The following MYO6 variants were observed in gnomAD, a reference collection of about 807,000 sequenced individuals.
The protein encoded by MYO6 is myosin VI, also known as unconventional myosin-VI.
In MYO6, 74 loss-of-function variants were observed where a neutral mutation model predicts 178.7. The ratio of observed to expected loss-of-function variants is 0.41; its 90% CI spans 0.34 to 0.50. The LOEUF (loss-of-function observed/expected upper bound fraction) is 0.50. Ranked by LOEUF, MYO6 falls within the 20% of genes least tolerant of loss-of-function variation. MYO6 has a pLI of 0.09. For missense variants in MYO6, 1,330 were observed against 1,547.4 expected (o/e 0.86, Z 2.36); for synonymous variants, 477 against 504.6 (o/e 0.95, Z 0.73).
At chr6:75,803,726 C>G (rs1317511736) in intron 1 of MYO6, among the ~76,000 whole-genome samples, 1 of 152,052 alleles carries the variant, frequency 6.6e-6, no homozygotes, top group African/African-American at 2.4e-5. Context: ...TGGGTCTTTT[C>G]TTTCCATTGT....
chr6:75,887,499 G>A (rs558373065), intron 25 of MYO6, among the ~76,000 whole-genome samples: 5 of 151,074 alleles, frequency 3.3e-5, no homozygotes, highest in Non-Finnish European at 7.4e-5. Context: ...AAACTAGCTG[G>A]GTGTGGTGGC....
chr6:75,868,019 C>G (rs1042007730), intron 18 of MYO6, among the ~76,000 whole-genome samples: 1 of 151,962 alleles, frequency 6.6e-6, no homozygotes, highest in African/African-American at 2.4e-5. Flanking sequence ...CTACATTTGC[C>G]TTTCACTATA....
At position 75,845,440 on chromosome 6, in the gene MYO6, C is replaced by A. The variant is rs997606884; in HGVS notation, c.897+463C>A. Among the ~76,000 whole-genome samples, 2 of 152,138 alleles carry A rather than the reference C, an allele frequency of 1.3e-5. 1 individual carries two copies. Among genetic ancestry groups the A allele is most frequent in the South Asian group, 4.1e-4 (2 of 4,826 alleles). On this transcript the variant is annotated intron_variant, in intron 10 of 34. Coordinates refer to ENST00000369977, the MANE Select transcript of MYO6 (RefSeq NM_004999.4). ...AGGCGTGGTGGCTCACACCTGTAAT[C>A]CCAGCACTTTGGGAGGCCAAGGCGG...
chr6:75,816,232 G>A (rs1299800862), intron 1 of MYO6, among the ~76,000 whole-genome samples: 2 of 152,222 alleles, frequency 1.3e-5, no homozygotes, highest in African/African-American at 2.4e-5. Flanking sequence ...TTGAATGAAA[G>A]AAGACAGACA....
At chr6:75,887,356 G>T (rs566120935) in intron 25 of MYO6, among the ~76,000 whole-genome samples, 1 of 152,196 alleles carries the variant, frequency 6.6e-6, no homozygotes, top group East Asian at 1.9e-4. Context: ...TAAAATAAAA[G>T]TTGGAGGCCA....
rs1183643261 is a variant in MYO6, at chr6:75,861,060, A to G, written c.1511A>G (p.Asn504Ser). 1 of 1,610,624 alleles carries G rather than the reference A, an allele frequency of 6.2e-7. No individual in the cohort carries two copies. Among genetic ancestry groups the G allele is most frequent in the Non-Finnish European group, 8.5e-7 (1 of 1,177,078 alleles). ...ELYQKEGLGVNEVHYVDNQDC... is the reference protein window; with the variant it reads ...ELYQKEGLGVSEVHYVDNQDC... ...TATCAAAAAGAAGGTTTAGGTGTTA[A>G]TGAAGTGCATTATGTGGATAATCAG... The change falls in exon 15 of 35, where the codon AAT (asparagine) becomes AGT (serine). Residue 504 changes from asparagine to serine, a missense_variant. Around this residue, in one of 3 missense-constraint regions of MYO6, gnomAD observed 613 missense variants for 816.8 expected, o/e 0.75. Coordinates refer to ENST00000369977, the MANE Select transcript of MYO6 (RefSeq NM_004999.4).
rs727504567 is a variant in MYO6, at chr6:75,828,590, C to T, written c.238C>T (p.Arg80Ter). Residue 80 changes from arginine to a stop codon, truncating the protein, a stop_gained, in exon 4 of 35, where the codon CGA (arginine) becomes TGA (stop). Coordinates refer to ENST00000369977, the MANE Select transcript of MYO6 (RefSeq NM_004999.4). LOFTEE classifies it high-confidence loss of function. Reference protein sequence around the residue: ...EATLLHNIKVRYSKDRIYTYV... With the variant: ...EATLLHNIKV ...CACACTGCTCCATAATATCAAAGTT[C>T]GATATAGTAAAGACAGAATTTATGT... 1.9e-6 allele frequency: 3 copies of T among 1,581,644 alleles called. No homozygotes were observed. Among genetic ancestry groups the T allele is most frequent in the Non-Finnish European group, 2.6e-6 (3 of 1,151,250 alleles).
chr6:75,866,211 C>T (rs9360948), intron 16 of MYO6, among the ~76,000 whole-genome samples: 19,442 of 151,474 alleles, frequency 0.13, 1,324 homozygotes, highest in Non-Finnish European at 0.15. Context: ...TTTTTTATTA[C>T]AAGCATGTTC....
intron 1 of MYO6, among the ~76,000 whole-genome samples, chr6:75,813,092 A>G (rs979449003): frequency 6.6e-6 from 1 of 152,210 alleles, no homozygotes; most frequent in African/African-American, 2.4e-5. Flanking sequence ...ACTTACTATT[A>G]CCAGTGAGTT....
chr6:75,908,492 AT>A lies in MYO6; in HGVS notation c.3281-3del. On this transcript the variant is annotated splice_polypyrimidine_tract_variant and splice_region_variant and intron_variant, in intron 31 of 34. Coordinates refer to ENST00000369977, the MANE Select transcript of MYO6 (RefSeq NM_004999.4). ...TTTTTTTTTTTGCTCAATGTAATCA[AT>A]AGATATTGAGCTCCTGGCAGCTTGC... 1 of 1,613,186 alleles carries A rather than the reference AT, an allele frequency of 6.2e-7. No homozygotes were observed.
intron 30 of MYO6, among the ~76,000 whole-genome samples, chr6:75,903,292 C>T (rs538915902): frequency 4.2e-4 from 64 of 152,008 alleles, no homozygotes; most frequent in Admixed American, 6.6e-4. Flanking sequence ...GTTGACTTTC[C>T]GTCTCGTTGA....
intron 20 of MYO6, among the ~76,000 whole-genome samples, chr6:75,878,634 A>G (rs1777759456): frequency 6.6e-6 from 1 of 152,220 alleles, no homozygotes; most frequent in Non-Finnish European, 1.5e-5. Context: ...ACTGGTTTAA[A>G]AAGTCTTAGA....
intron 1 of MYO6, among the ~76,000 whole-genome samples, chr6:75,787,730 C>CTCTCTATATATA (rs1767784406): frequency 8.6e-5 from 1 of 11,662 alleles, no homozygotes; most frequent in Non-Finnish European, 1.5e-4. Context: ...CTCTCTCTCT[C>CTCTCTATATATA]TATATATATA....
At chr6:75,812,006 T>A (rs2150149465) in intron 1 of MYO6, among the ~76,000 whole-genome samples, 1 of 152,184 alleles carries the variant, frequency 6.6e-6, no homozygotes, top group Admixed American at 6.5e-5. Context: ...GCCTAGGTTT[T>A]TTTTTCTGTT....
intron 3 of MYO6, among the ~76,000 whole-genome samples, chr6:75,825,309 G>T (rs960887451): frequency 2.0e-5 from 3 of 152,128 alleles, no homozygotes; most frequent in African/African-American, 7.2e-5. Context: ...AAATTGGAAA[G>T]AAACCGGGCG....
At chr6:75,898,229 C>T in intron 29 of MYO6, 144 bp from the exon 30 acceptor site, 1 of 551,170 alleles carries the variant, frequency 1.8e-6, no homozygotes, top group Non-Finnish European at 3.0e-6. Context: ...ATAGTATATT[C>T]TAGGCATTAA....
Position 75,840,657 on chromosome 6 carries a change from T to C in MYO6, c.626T>C (p.Phe209Ser). Residue 209 changes from phenylalanine to serine, a missense_variant, in exon 8 of 35, where the codon TTT (phenylalanine) becomes TCT (serine). Coordinates refer to ENST00000369977, the MANE Select transcript of MYO6 (RefSeq NM_004999.4). ...AATAATAGCAGTCGATTTGGGAAATTTGTAGAAATACATTTTAATGAAAAG... is the reference window on the plus strand; with the variant it reads ...AATAATAGCAGTCGATTTGGGAAATCTGTAGAAATACATTTTAATGAAAAG... ...RNNNSSRFGK[F>S]VEIHFNEKSS... 6.2e-7 allele frequency: 1 copy of C among 1,612,938 alleles called. No individual in the cohort carries two copies. Among genetic ancestry groups the C allele is most frequent in the Non-Finnish European group, 8.5e-7 (1 of 1,178,944 alleles).
At chr6:75,836,112 A>G (rs896905778) in intron 7 of MYO6, among the ~76,000 whole-genome samples, 156 bp downstream of exon 7, 18 of 152,196 alleles carry the variant, frequency 1.2e-4, no homozygotes, top group African/African-American at 2.9e-4. Flanking sequence ...CCTAATATCA[A>G]TTGTTTCTGC....
rs916115006 is a variant in MYO6 at position 75,914,011 on chromosome 6, C to T, written c.3440-52C>T. The T allele has an allele frequency of 2.6e-6, 4 of 1,567,032 alleles. No homozygotes were observed. In the African/African-American group the frequency reaches 4.1e-5, roughly 16 times the overall value. ...GGGGTATATTTTAGGATTAAAGGCT[C>T]TTTTCTTTTCCCTTGAGCTGCTGGT... On this transcript the variant is annotated intron_variant, in intron 33 of 34. Coordinates refer to ENST00000369977, the MANE Select transcript of MYO6 (RefSeq NM_004999.4).
Sources: allele counts gnomAD v4.1 joint callset (sites outside exome capture counted in the v4.1 genomes callset), GRCh38; gene constraint gnomAD v4.1.1; regional missense constraint gnomAD v4.1.1; transcripts MANE v1.5; gene names NCBI Gene and HGNC (gene_info 2026-07-23, HGNC 2026-07-21).